The following SHROOM2 variants were observed in gnomAD, a reference collection of about 807,000 sequenced individuals.
SHROOM2 encodes the protein shroom family member 2, also known as protein Shroom2.
Under a neutral mutation model 75.9 loss-of-function variants are expected in SHROOM2, and 33 were observed. That is an observed-to-expected ratio of 0.43 (90% CI 0.33 to 0.58). The LOEUF is 0.58. SHROOM2 is among the 20% of genes least tolerant of loss of function. The probability of loss-of-function intolerance (pLI) is 0.04; values close to 1 mark genes in which losing one functional copy is unlikely to be tolerated. For missense variants in SHROOM2, 1,434 were observed against 1,461.2 expected (o/e 0.98, Z 0.30); for synonymous variants, 655 against 663.6 (o/e 0.99, Z 0.20).
At chrX:9,922,066 T>C (rs1384555662) in intron 5 of SHROOM2, among the ~76,000 whole-genome samples, 2 of 111,508 alleles carry the variant, frequency 1.8e-5, no homozygotes, top group African/African-American at 6.5e-5. Flanking sequence ...GTTTGTTTGT[T>C]TTTTAGAAAT....
At position 9,786,710 on chromosome X, in the gene SHROOM2, G is replaced by C; in HGVS notation, c.165G>C (p.Lys55Asn). The change falls in exon 1 of 10, where the codon AAG becomes AAC. Residue 55 changes from lysine to asparagine, a missense_variant and splice_region_variant. Lys to Asn is a moderately conservative substitution (Grantham distance 94). This residue lies in a region of SHROOM2 where 1,340 missense variants were observed against 1,338.3 expected (regional missense o/e 1.00). Transcript: ENST00000380913. ...ACGGCGAGCCGCTGGTCATCACCAAGGTAAGGCGGCCGCGGGGCGCGGGCG... is the reference window on the plus strand; with the variant it reads ...ACGGCGAGCCGCTGGTCATCACCAACGTAAGGCGGCCGCGGGGCGCGGGCG... ...REHGEPLVIT[K>N]IEEGSKAAAV... The C allele has an allele frequency of 2.3e-6, 2 of 886,231 alleles. No homozygotes were observed. The highest frequency in any genetic ancestry group is 2.8e-6 in the Non-Finnish European group (2 of 722,698). 73.0% of individuals were successfully genotyped at this position (886,231 alleles called of 1,213,427 possible).
At chrX:9,796,842 G>A (rs1164895654) in intron 1 of SHROOM2, among the ~76,000 whole-genome samples, 1 of 110,645 alleles carries the variant, frequency 9.0e-6, no homozygotes, top group Non-Finnish European at 1.9e-5. Flanking sequence ...GTAGGGTTTC[G>A]CCATATTGCC....
At chrX:9,875,919 T>C in intron 2 of SHROOM2, among the ~76,000 whole-genome samples, 1 of 112,610 alleles carries the variant, frequency 8.9e-6, no homozygotes, top group East Asian at 2.8e-4. Flanking sequence ...AGATAGACAG[T>C]CTAAAATCTG....
chrX:9,912,198 G>GAC (rs57939278), intron 5 of SHROOM2, among the ~76,000 whole-genome samples: 229 of 16,073 alleles, frequency 0.014, 15 homozygotes, highest in Admixed American at 0.02. Flanking sequence ...TAAATTACAA[G>GAC]ACACACACAC....
intron 8 of SHROOM2, among the ~76,000 whole-genome samples, chrX:9,942,289 G>A (rs2084779014): frequency 8.9e-6 from 1 of 112,060 alleles, no homozygotes; most frequent in African/African-American, 3.2e-5. Context: ...GTGACCACAT[G>A]TGTGAGGGGG....
chrX:9,814,271 A>G (rs186044071), intron 1 of SHROOM2, among the ~76,000 whole-genome samples: 1 of 111,275 alleles, frequency 9.0e-6, no homozygotes, highest in African/African-American at 3.3e-5. Context: ...ACCTTTTTTT[A>G]ACTCCCCAGC....
At chrX:9,797,614 C>G (rs988119693) in intron 1 of SHROOM2, among the ~76,000 whole-genome samples, 1 of 112,430 alleles carries the variant, frequency 8.9e-6, no homozygotes, top group Non-Finnish European at 1.9e-5. Context: ...AATGAGACCT[C>G]CACGCCCATT....
At chrX:9,933,180 G>T (rs181702184) in intron 6 of SHROOM2, among the ~76,000 whole-genome samples, 1 of 110,972 alleles carries the variant, frequency 9.0e-6, no homozygotes, top group African/African-American at 3.3e-5. Flanking sequence ...CAGGGTAGAG[G>T]TCTGTTTTTT....
intron 1 of SHROOM2, among the ~76,000 whole-genome samples, chrX:9,807,841 G>A (rs1479053582): frequency 8.9e-6 from 1 of 111,863 alleles, no homozygotes; most frequent in Admixed American, 9.5e-5. Context: ...AGGCTGCCAG[G>A]CTCCTGCTGC....
intron 1 of SHROOM2, among the ~76,000 whole-genome samples, chrX:9,870,612 G>T (rs902782476): frequency 8.9e-6 from 1 of 111,972 alleles, no homozygotes; most frequent in African/African-American, 3.2e-5. Flanking sequence ...AAATTGTAAC[G>T]TGAAGTACAG....
intron 1 of SHROOM2, among the ~76,000 whole-genome samples, chrX:9,865,987 C>T (rs1177535363): frequency 2.7e-5 from 3 of 109,766 alleles, no homozygotes; most frequent in East Asian, 2.9e-4. Flanking sequence ...GGCATCTTGG[C>T]GGTGCCTGGT....
chrX:9,879,414 C>G (rs1035786367), intron 2 of SHROOM2, among the ~76,000 whole-genome samples: 2 of 111,346 alleles, frequency 1.8e-5, no homozygotes, highest in African/African-American at 6.5e-5. Flanking sequence ...GCGTGTGCCA[C>G]CACACCTGGC....
intron 1 of SHROOM2, among the ~76,000 whole-genome samples, chrX:9,826,959 G>T (rs777461980): frequency 9.0e-6 from 1 of 111,667 alleles, no homozygotes; most frequent in African/African-American, 3.2e-5. Context: ...GGTGAAAACA[G>T]ACCCTTGGAA....
At position 9,883,168 on chromosome X, in the gene SHROOM2, G is replaced by T. The variant is rs924207618; in HGVS notation, c.318-7809G>T. Among the ~76,000 whole-genome samples, 3 of 112,592 alleles carry T rather than the reference G, an allele frequency of 2.7e-5. No homozygotes were observed. The Admixed American group carries it at 2.8e-4, about 11-fold the overall frequency. ...AGGTCCCGTCTTCCAGGAGCTTGCA[G>T]CTGAGTGGGCTGAAGAGCTCTCACA... On this transcript the variant is annotated intron_variant, in intron 2 of 9. Transcript: ENST00000380913.
intron 1 of SHROOM2, among the ~76,000 whole-genome samples, chrX:9,834,341 G>C (rs1465208409): frequency 1.8e-5 from 2 of 112,332 alleles, no homozygotes; most frequent in African/African-American, 6.5e-5. Context: ...AGAAAAGAGA[G>C]GCTCAGACAC....
intron 5 of SHROOM2, among the ~76,000 whole-genome samples, chrX:9,916,334 G>T (rs1024062460): frequency 8.9e-6 from 1 of 112,348 alleles, no homozygotes; most frequent in Admixed American, 9.5e-5. Flanking sequence ...TATGGTGCAT[G>T]ACATTCTAAA....
At chrX:9,919,292 T>C (rs1337666090) in intron 5 of SHROOM2, among the ~76,000 whole-genome samples, 1 of 101,995 alleles carries the variant, frequency 9.8e-6, no homozygotes, top group Admixed American at 1.1e-4. Context: ...TCTGTGTCAA[T>C]GGGTCCAGGA....
chrX:9,927,674 A>G (rs1015347830), intron 5 of SHROOM2, among the ~76,000 whole-genome samples: 1 of 112,399 alleles, frequency 8.9e-6, no homozygotes, highest in South Asian at 3.6e-4. Context: ...GTGCATTTAC[A>G]TTGTGTTCAA....
At chrX:9,824,754 G>A (rs1365309071) in intron 1 of SHROOM2, among the ~76,000 whole-genome samples, 1 of 111,784 alleles carries the variant, frequency 8.9e-6, no homozygotes, top group Non-Finnish European at 1.9e-5. Flanking sequence ...ACACACAACC[G>A]GCACACAACC....
Sources: gnomAD v4.1 joint callset for allele counts (sites outside exome capture counted in the v4.1 genomes callset) on GRCh38, gnomAD v4.1.1 for gene constraint, gnomAD v4.1.1 regional missense constraint, MANE v1.5 for transcripts, NCBI Gene and HGNC (gene_info 2026-07-23, HGNC 2026-07-21) for gene names.